Variants in HPSE2 observed in about 807,000 individuals in gnomAD.
The protein encoded by HPSE2 is heparanase 2 (inactive), also known as inactive heparanase-2.
A neutral mutation model predicts 60.5 loss-of-function variants in HPSE2; 38 were observed. The ratio of observed to expected loss-of-function variants is 0.63; its 90% CI spans 0.48 to 0.82. The LOEUF (loss-of-function observed/expected upper bound fraction) is 0.82. HPSE2 is among the 40% of genes least tolerant of loss of function. The pLI is 0.00. For synonymous variants in HPSE2, 295 were observed against 293.2 expected (o/e 1.01, Z -0.06); for missense variants, 713 against 740.4 (o/e 0.96, Z 0.43).
At chr10:98,907,593 C>A (rs1953859463) in intron 3 of HPSE2, among the ~76,000 whole-genome samples, 1 of 152,152 alleles carries the variant, frequency 6.6e-6, no homozygotes, top group Non-Finnish European at 1.5e-5. Context: ...GAACATACCA[C>A]AAGGGCAATA....
intron 3 of HPSE2, among the ~76,000 whole-genome samples, chr10:98,772,258 A>G (rs1291659213): frequency 6.6e-6 from 1 of 152,200 alleles, no homozygotes; most frequent in African/African-American, 2.4e-5. Context: ...AGGGGCAAAT[A>G]TAATAGATGA....
chr10:98,971,685 T>C (rs896692896), intron 3 of HPSE2, among the ~76,000 whole-genome samples: 1 of 152,198 alleles, frequency 6.6e-6, no homozygotes, highest in African/African-American at 2.4e-5. Context: ...ATTTTATCTA[T>C]GCATTCTCCT....
At chr10:99,179,747 A>G (rs1401692669) in intron 2 of HPSE2, among the ~76,000 whole-genome samples, 3 of 99,308 alleles carry the variant, frequency 3.0e-5, no homozygotes, top group Non-Finnish European at 7.8e-5. Flanking sequence ...TCACAGAATG[A>G]GAAAAAAAAA....
intron 6 of HPSE2, among the ~76,000 whole-genome samples, chr10:98,658,976 A>C (rs921349918): frequency 6.6e-6 from 1 of 151,856 alleles, no homozygotes; most frequent in Non-Finnish European, 1.5e-5. Context: ...TTTAAAGTGC[A>C]ATTTAGTGAC....
At chr10:98,579,321 A>C (rs1487678102) in intron 9 of HPSE2, among the ~76,000 whole-genome samples, 1 of 152,176 alleles carries the variant, frequency 6.6e-6, no homozygotes, top group Non-Finnish European at 1.5e-5. Context: ...GAAATAGAGG[A>C]TTTAATATGC....
intron 3 of HPSE2, among the ~76,000 whole-genome samples, chr10:98,996,545 T>C (rs1294943671): frequency 6.6e-6 from 1 of 152,226 alleles, no homozygotes; most frequent in Non-Finnish European, 1.5e-5. Context: ...CTTAGGTGTG[T>C]CCATAGAAGC....
At chr10:98,914,187 T>C (rs1181142955) in intron 3 of HPSE2, among the ~76,000 whole-genome samples, 1 of 152,028 alleles carries the variant, frequency 6.6e-6, no homozygotes, top group Non-Finnish European at 1.5e-5. Flanking sequence ...ATGGGTCTCA[T>C]GAGATCTGAT....
intron 3 of HPSE2, among the ~76,000 whole-genome samples, chr10:99,079,746 G>A (rs1015033173): frequency 6.6e-6 from 1 of 152,120 alleles, no homozygotes; most frequent in Admixed American, 6.5e-5. Flanking sequence ...TTGGGAGCTG[G>A]GTTTATTCAT....
chr10:98,952,853 C>G (rs1256922409), intron 3 of HPSE2, among the ~76,000 whole-genome samples: 2 of 151,966 alleles, frequency 1.3e-5, no homozygotes, highest in Non-Finnish European at 2.9e-5. Flanking sequence ...GGAATAGGAC[C>G]CTACCCTGAT....
At chr10:99,268,755 G>T in the HPSE2 span, among the ~76,000 whole-genome samples, 1 of 151,900 alleles carries the variant, frequency 6.6e-6, no homozygotes, top group South Asian at 2.1e-4. Flanking sequence ...AGGTATTCAG[G>T]CAACAAATAG....
intron 9 of HPSE2, among the ~76,000 whole-genome samples, chr10:98,610,364 A>G (rs1945719467): frequency 6.6e-6 from 1 of 152,218 alleles, no homozygotes; most frequent in South Asian, 2.1e-4. Flanking sequence ...GGCAGGCACC[A>G]GTAAGAGTTA....
chr10:98,723,846 C>A (rs945886121), intron 4 of HPSE2, among the ~76,000 whole-genome samples: 5 of 151,804 alleles, frequency 3.3e-5, no homozygotes, highest in Non-Finnish European at 7.4e-5. Flanking sequence ...CTATTTGATT[C>A]TTCTCTCTTT....
At chr10:98,527,514 G>A (rs1017080043) in intron 9 of HPSE2, among the ~76,000 whole-genome samples, 1 of 152,072 alleles carries the variant, frequency 6.6e-6, no homozygotes, top group African/African-American at 2.4e-5. Context: ...CTCCTCAAGA[G>A]CCCACGGCAC....
chr10:98,529,958 C>T (rs1236284760), intron 9 of HPSE2, among the ~76,000 whole-genome samples: 1 of 152,190 alleles, frequency 6.6e-6, no homozygotes, highest in African/African-American at 2.4e-5. Context: ...AAGGTTTATG[C>T]CACACCTAAA....
Position 98,615,016 on chromosome 10 carries a change from C to T in HPSE2, c.1208G>A (p.Trp403Ter), listed in dbSNP as rs1945867507. The T allele has an allele frequency of 6.2e-7, 1 of 1,608,972 alleles. No homozygotes were observed. The highest frequency in any genetic ancestry group is 8.5e-7 in the Non-Finnish European group (1 of 1,175,424). ...LSDSYAAGFLWLNTLGMLANQ... is the reference protein window; with the variant it reads ...LSDSYAAGFL ...GGCCAGCATTCCTAAAGTGTTCAAC[C>T]ATCTAAAAGGCAGAGAAAAAGAGCT... is the stretch of plus-strand genomic sequence containing the variant. The change falls in exon 9 of 12, where the codon TGG becomes TAG. Residue 403 changes from tryptophan (W) to a stop codon, truncating the protein, a stop_gained and splice_region_variant. Coordinates refer to ENST00000370552, the MANE Select transcript of HPSE2 (RefSeq NM_021828.5). LOFTEE classifies it high-confidence loss of function.
At chr10:98,851,298 T>A (rs1345911812) in intron 3 of HPSE2, among the ~76,000 whole-genome samples, 1 of 152,220 alleles carries the variant, frequency 6.6e-6, no homozygotes, top group African/African-American at 2.4e-5. Context: ...CTCTGAATTT[T>A]AGTGATGCTG....
chr10:98,739,181 A>G (rs1949433255), intron 4 of HPSE2, among the ~76,000 whole-genome samples: 1 of 152,204 alleles, frequency 6.6e-6, no homozygotes, highest in African/African-American at 2.4e-5. Flanking sequence ...AGGGACATGG[A>G]TGAAGCTGGA....
intron 3 of HPSE2, among the ~76,000 whole-genome samples, chr10:98,776,801 T>C (rs1264426114): frequency 2.6e-5 from 4 of 152,150 alleles, no homozygotes; most frequent in African/African-American, 9.7e-5. Context: ...AAACTGTGTA[T>C]TAGATGATTA....
intron 3 of HPSE2, among the ~76,000 whole-genome samples, chr10:99,069,845 G>A (rs1248390517): frequency 6.6e-6 from 1 of 151,400 alleles, no homozygotes; most frequent in Non-Finnish European, 1.5e-5. Flanking sequence ...TTCTCATATG[G>A]TAACATGAAA....
Sources: allele counts gnomAD v4.1 joint callset (sites outside exome capture counted in the v4.1 genomes callset), GRCh38; gene constraint gnomAD v4.1.1; transcripts MANE v1.5; gene names NCBI Gene and HGNC (gene_info 2026-07-23, HGNC 2026-07-21).